DLGAP2: variants seen among roughly 807,000 people sequenced by gnomAD.
DLGAP2 encodes the protein disks large-associated protein 2.
A neutral mutation model predicts 100.3 loss-of-function variants in DLGAP2; 26 were observed. That is an observed-to-expected ratio of 0.26 (90% CI 0.19 to 0.36). DLGAP2 has a LOEUF of 0.36. DLGAP2 is among the 10% of genes least tolerant of loss of function. The probability of loss-of-function intolerance (pLI) is 1.00; values close to 1 mark genes in which losing one functional copy is unlikely to be tolerated. For synonymous variants in DLGAP2, 886 were observed against 630.1 expected (o/e 1.41, Z -6.08); for missense variants, 1,858 against 1,453.2 (o/e 1.28, Z -4.53).
intron 2 of DLGAP2, among the ~76,000 whole-genome samples, chr8:1,050,330 C>T (rs1802642571): frequency 6.6e-6 from 1 of 152,184 alleles, no homozygotes; most frequent in South Asian, 2.1e-4. Context: ...TTCTGTTTTT[C>T]ACTTTCAGGA....
intron 2 of DLGAP2, among the ~76,000 whole-genome samples, chr8:993,596 C>G (rs978023911): frequency 6.6e-6 from 1 of 152,112 alleles, no homozygotes; most frequent in Non-Finnish European, 1.5e-5. Flanking sequence ...CTCGTGTTCT[C>G]CTATTGCTGA....
intron 9 of DLGAP2, 42 bp from the exon 10 acceptor site, chr8:1,669,701 C>T: frequency 1.3e-6 from 1 of 780,754 alleles, no homozygotes; most frequent in Non-Finnish European, 2.4e-6. Context: ...TCCAGGGCCT[C>T]CGAACCAGGT....
chr8:815,210 A>C (rs570980036), intron 1 of DLGAP2, among the ~76,000 whole-genome samples: 1 of 152,340 alleles, frequency 6.6e-6, no homozygotes, highest in South Asian at 2.1e-4. Context: ...GTCAAAGTAC[A>C]GGAGGCTTGG....
chr8:1,384,104 G>A (rs1055208878), intron 3 of DLGAP2, among the ~76,000 whole-genome samples: 1 of 152,016 alleles, frequency 6.6e-6, no homozygotes, highest in Non-Finnish European at 1.5e-5. Flanking sequence ...ATTAATAGAA[G>A]AATTAGGTCA....
chr8:1,266,607 A>G (rs985147713), intron 3 of DLGAP2, among the ~76,000 whole-genome samples: 1 of 152,168 alleles, frequency 6.6e-6, no homozygotes, highest in African/African-American at 2.4e-5. Flanking sequence ...ATGCTGTTTA[A>G]CCACATATGA....
intron 8 of DLGAP2, among the ~76,000 whole-genome samples, chr8:1,641,867 AC>A (rs1270351487): frequency 1.3e-5 from 2 of 149,174 alleles, no homozygotes; most frequent in African/African-American, 2.5e-5. Context: ...TGCCTCCCAT[AC>A]CCCTCGAACC....
intron 2 of DLGAP2, among the ~76,000 whole-genome samples, chr8:911,255 G>A (rs973587749): frequency 2.0e-5 from 3 of 152,168 alleles, no homozygotes; most frequent in Non-Finnish European, 2.9e-5. Context: ...TATGGATTCT[G>A]TTTCTTAGGA....
chr8:1,121,369 C>T (rs1269852356), intron 2 of DLGAP2, among the ~76,000 whole-genome samples: 1 of 151,298 alleles, frequency 6.6e-6, no homozygotes, highest in Admixed American at 6.6e-5. Flanking sequence ...CCATGACCTG[C>T]CATCCTTATC....
intron 13 of DLGAP2, among the ~76,000 whole-genome samples, chr8:1,695,074 A>G (rs1034986302): frequency 6.6e-6 from 1 of 152,218 alleles, no homozygotes; most frequent in African/African-American, 2.4e-5. Flanking sequence ...GCCTGCTCTC[A>G]GGCAGCCTCT....
At chr8:1,315,291 G>A (rs1295297879) in intron 3 of DLGAP2, among the ~76,000 whole-genome samples, 9 of 129,330 alleles carry the variant, frequency 7.0e-5, no homozygotes, top group East Asian at 2.1e-4. Context: ...AATAGAGCCT[G>A]TGCGAGTGCA....
chr8:1,140,184 G>C (rs769920957), intron 2 of DLGAP2, among the ~76,000 whole-genome samples: 1 of 152,164 alleles, frequency 6.6e-6, no homozygotes, highest in Non-Finnish European at 1.5e-5. Flanking sequence ...GCGGGGAGGT[G>C]CGACCAGGGT....
At chr8:1,585,419 G>A (rs1796086688) in intron 6 of DLGAP2, among the ~76,000 whole-genome samples, 1 of 152,144 alleles carries the variant, frequency 6.6e-6, no homozygotes, top group African/African-American at 2.4e-5. Flanking sequence ...AGCTGAGATT[G>A]CACCACTGCA....
chr8:1,436,494 G>A (rs1797633845), intron 3 of DLGAP2, among the ~76,000 whole-genome samples: 2 of 152,194 alleles, frequency 1.3e-5, no homozygotes, highest in Admixed American at 6.5e-5. Flanking sequence ...TGACTCCAGT[G>A]TTAATCTCCT....
intron 3 of DLGAP2, among the ~76,000 whole-genome samples, chr8:1,318,681 C>T (rs144145968): frequency 1.3e-4 from 20 of 151,966 alleles, no homozygotes; most frequent in Admixed American, 3.3e-4. Flanking sequence ...AAGCAACATA[C>T]TAAGTTACCA....
At chr8:1,026,992 C>G (rs542034322) in intron 2 of DLGAP2, among the ~76,000 whole-genome samples, 10 of 152,266 alleles carry the variant, frequency 6.6e-5, no homozygotes, top group Admixed American at 4.6e-4. Flanking sequence ...TAAAAGTTAA[C>G]CAAATAAGAA....
chr8:953,673 CAG>C (rs1369182008), intron 2 of DLGAP2, among the ~76,000 whole-genome samples: 1 of 151,116 alleles, frequency 6.6e-6, no homozygotes, highest in African/African-American at 2.5e-5. Flanking sequence ...CACATAAAAA[CAG>C]AGTTGCGTGA....
At chr8:930,133 G>A (rs1227660492) in intron 2 of DLGAP2, among the ~76,000 whole-genome samples, 1 of 152,104 alleles carries the variant, frequency 6.6e-6, no homozygotes, top group Non-Finnish European at 1.5e-5. Context: ...TGGCGACCCT[G>A]GCCTCTCCTT....
intron 3 of DLGAP2, among the ~76,000 whole-genome samples, chr8:1,449,747 C>T (rs914609245): frequency 1.4e-4 from 22 of 151,780 alleles, no homozygotes; most frequent in Non-Finnish European, 2.4e-4. Flanking sequence ...ATGCAGGATG[C>T]GAATGGGAGA....
intron 2 of DLGAP2, among the ~76,000 whole-genome samples, chr8:1,172,531 T>C (rs894495505): frequency 6.6e-6 from 1 of 152,238 alleles, no homozygotes; most frequent in Non-Finnish European, 1.5e-5. Context: ...CAATCAGACG[T>C]AGATTTGGTC....
Sources: gnomAD v4.1 joint callset for allele counts (sites outside exome capture counted in the v4.1 genomes callset) on GRCh38, gnomAD v4.1.1 for gene constraint, MANE v1.5 for transcripts, NCBI Gene and HGNC (gene_info 2026-07-23, HGNC 2026-07-21) for gene names.